Variants in CPA6 observed in about 807,000 individuals in gnomAD.
CPA6 encodes carboxypeptidase B.
In CPA6, 58 loss-of-function variants were observed where a neutral mutation model predicts 63.3. That is an observed-to-expected ratio of 0.92 (90% CI 0.74 to 1.14). The LOEUF (loss-of-function observed/expected upper bound fraction) is 1.14. CPA6 is among the 50% of genes most tolerant of loss of function. The pLI, the probability that CPA6 is intolerant of heterozygous loss-of-function variation, is 0.00. For missense variants in CPA6, 565 were observed against 526.6 expected (o/e 1.07, Z -0.71); for synonymous variants, 185 against 179.0 (o/e 1.03, Z -0.27).
At chr8:67,491,909 G>GTGGT (rs1811614199) in intron 6 of CPA6, among the ~76,000 whole-genome samples, 1 of 152,180 alleles carries the variant, frequency 6.6e-6, no homozygotes, top group African/African-American at 2.4e-5. Flanking sequence ...AAGTCTGTCA[G>GTGGT]TGGTTGGTTG....
chr8:67,634,312 C>T (rs1475076820), intron 1 of CPA6, among the ~76,000 whole-genome samples: 4 of 149,546 alleles, frequency 2.7e-5, no homozygotes, highest in African/African-American at 7.6e-5. Context: ...CTCCGCCTCC[C>T]GCATTCTCGC....
intron 8 of CPA6, among the ~76,000 whole-genome samples, chr8:67,475,881 C>CTCCTTT (rs1491556290): frequency 9.1e-4 from 39 of 43,062 alleles, no homozygotes; most frequent in Middle Eastern, 9.1e-3. Context: ...CTTTCTTTCT[C>CTCCTTT]CTTTCTTTCT....
rs551516031 is a variant in CPA6, at chr8:67,665,167, C to T, written c.117-40916G>A. Among the ~76,000 whole-genome samples, 19 of 152,118 alleles carry T rather than the reference C, an allele frequency of 1.2e-4. No homozygotes were observed. In the South Asian group the frequency reaches 1.7e-3, roughly 13 times the overall value. ...GCTCTACAAGATTTCTATTTCTTCA[C>T]GGGAAAAACAAAACAAAACAAAACA... On this transcript the variant is annotated intron_variant, in intron 1 of 10. Coordinates refer to ENST00000297770, the MANE Select transcript of CPA6 (RefSeq NM_020361.5).
intron 2 of CPA6, among the ~76,000 whole-genome samples, chr8:67,597,113 ATTAC>A (rs1291223739): frequency 2.0e-5 from 3 of 151,572 alleles, no homozygotes; most frequent in Non-Finnish European, 4.4e-5. Context: ...GTGACTACGC[ATTAC>A]TTCTTCAGAT....
rs764266301 is a variant in CPA6, at chr8:67,506,768, T to C, written c.636+19A>G. Reference sequence around the variant, plus strand: ...CACTGACTAGCTGAAATGGACATTGTGTAAAGGGTTTAACTTACTTCTTTT... The same window carrying C: ...CACTGACTAGCTGAAATGGACATTGCGTAAAGGGTTTAACTTACTTCTTTT... On this transcript the variant is annotated intron_variant, in intron 6 of 10. Coordinates refer to ENST00000297770, the MANE Select transcript of CPA6 (RefSeq NM_020361.5). 9.3e-6 allele frequency: 14 copies of C among 1,513,192 alleles called. No individual in the cohort carries two copies. The South Asian group carries it at 1.1e-4, about 12-fold the overall frequency. The allele number at this position is 1,513,192 out of a possible 1,614,324, so 93.7% of individuals were successfully genotyped here.
In CPA6 at chr8:67,728,233, C is replaced by T. The variant is rs150945556; in HGVS notation, c.116+17781G>A. ...ATTTACTACCCCTTGACATTTCCTACACTCCCCACTTACCTCTCCTCTATG... is the reference window on the plus strand; with the variant it reads ...ATTTACTACCCCTTGACATTTCCTATACTCCCCACTTACCTCTCCTCTATG... On this transcript the variant is annotated intron_variant, in intron 1 of 10. Transcript: ENST00000297770. Among the ~76,000 whole-genome samples the T allele has an allele frequency of 4.2e-3, 632 of 152,264 alleles. 5 individuals are homozygous for T. Among genetic ancestry groups the T allele is most frequent in the African/African-American group, 0.015 (612 of 41,552 alleles).
In CPA6 at chr8:67,627,190, C is replaced by A. The variant is rs1815212009; in HGVS notation, c.117-2939G>T. Among the ~76,000 whole-genome samples the A allele has an allele frequency of 2.0e-5, 3 of 152,074 alleles. No individual in the cohort carries two copies. The South Asian group carries it at 6.2e-4, about 32-fold the overall frequency. On this transcript the variant is annotated intron_variant, in intron 1 of 10. Coordinates refer to ENST00000297770, the MANE Select transcript of CPA6 (RefSeq NM_020361.5). ...TTATATTGATGGAATGACGGGTAAC[C>A]AAAGCCCAACAAGAGCTCTTTATTC...
chr8:67,712,063 C>A (rs1817275127), intron 1 of CPA6, among the ~76,000 whole-genome samples: 1 of 152,128 alleles, frequency 6.6e-6, no homozygotes, highest in Non-Finnish European at 1.5e-5. Context: ...TCTGCAGTGA[C>A]CCACACTGAT....
intron 2 of CPA6, among the ~76,000 whole-genome samples, chr8:67,604,386 C>T (rs1053758544): frequency 1.7e-4 from 26 of 152,158 alleles, no homozygotes; most frequent in African/African-American, 5.3e-4. Context: ...AGCTCACCCT[C>T]GCCTCCTTCA....
At chr8:67,442,500 G>T (rs1179976726) in intron 8 of CPA6, among the ~76,000 whole-genome samples, 2 of 152,104 alleles carry the variant, frequency 1.3e-5, no homozygotes, top group African/African-American at 4.8e-5. Flanking sequence ...AATCTAGAGG[G>T]ATAGATATGA....
chr8:67,552,774 C>CAAAAAAAAAAAAAA (rs762395117), intron 2 of CPA6, among the ~76,000 whole-genome samples: 102 of 20,926 alleles, frequency 4.9e-3, no homozygotes, highest in Non-Finnish European at 7.0e-3. Flanking sequence ...AAGACTGTCT[C>CAAAAAAAAAAAAAA]AAAAAAAAAA....
At chr8:67,649,880 C>T (rs1377565846) in intron 1 of CPA6, among the ~76,000 whole-genome samples, 2 of 152,116 alleles carry the variant, frequency 1.3e-5, no homozygotes, top group Admixed American at 6.5e-5. Context: ...AAAGGGAAAG[C>T]GGCAAAGTGA....
chr8:67,545,469 T>C (rs904156379), intron 2 of CPA6, among the ~76,000 whole-genome samples: 1 of 152,152 alleles, frequency 6.6e-6, no homozygotes, highest in Non-Finnish European at 1.5e-5. Context: ...ACACCTTGAA[T>C]GTTTTCTTCC....
At chr8:67,532,983 C>G (rs944581229) in intron 2 of CPA6, among the ~76,000 whole-genome samples, 7 of 152,084 alleles carry the variant, frequency 4.6e-5, no homozygotes, top group African/African-American at 1.2e-4. Context: ...AAGTGCCAGC[C>G]CTCTTGAATA....
chr8:67,500,115 A>G (rs1428009402), intron 6 of CPA6, among the ~76,000 whole-genome samples: 1 of 152,182 alleles, frequency 6.6e-6, no homozygotes, highest in Non-Finnish European at 1.5e-5. Context: ...TGCACCTGCA[A>G]CATATGAGTG....
intron 2 of CPA6, among the ~76,000 whole-genome samples, chr8:67,619,858 C>T (rs762088207): frequency 1.3e-5 from 2 of 152,212 alleles, no homozygotes; most frequent in Non-Finnish European, 2.9e-5. Context: ...ACCCAACCTC[C>T]TTGGGGAGGC....
At chr8:67,537,703 C>T (rs1277368160) in intron 2 of CPA6, among the ~76,000 whole-genome samples, 1 of 152,036 alleles carries the variant, frequency 6.6e-6, no homozygotes, top group Admixed American at 6.5e-5. Flanking sequence ...CTGCTCTGAT[C>T]TTAGTTATTC....
At chr8:67,516,996 C>T (rs1812158569) in intron 3 of CPA6, among the ~76,000 whole-genome samples, 1 of 152,094 alleles carries the variant, frequency 6.6e-6, no homozygotes, top group African/African-American at 2.4e-5. Context: ...AGGGTTTCAC[C>T]ATGTGGAACA....
chr8:67,596,036 C>A (rs905647185), intron 2 of CPA6, among the ~76,000 whole-genome samples: 2 of 152,324 alleles, frequency 1.3e-5, no homozygotes, highest in Admixed American at 1.3e-4. Context: ...GCTCCTCCCC[C>A]CAGTGTTGAT....
Sources: gnomAD v4.1 joint callset for allele counts (sites outside exome capture counted in the v4.1 genomes callset) on GRCh38, gnomAD v4.1.1 for gene constraint, MANE v1.5 for transcripts, NCBI Gene and HGNC (gene_info 2026-07-23, HGNC 2026-07-21) for gene names.